The following ARHGAP40 variants were observed in gnomAD, a reference collection of about 807,000 sequenced individuals.
ARHGAP40 encodes rho GTPase-activating protein 40.
A neutral mutation model predicts 73.5 loss-of-function variants in ARHGAP40; 43 were observed. The observed-to-expected ratio is 0.58, with a 90% CI of 0.46 to 0.75. The LOEUF (loss-of-function observed/expected upper bound fraction) is 0.75. ARHGAP40 is among the 30% of genes least tolerant of loss of function. The pLI is 0.00. For missense variants in ARHGAP40, 734 were observed against 861.8 expected, an observed-to-expected ratio of 0.85 and a Z score of 1.86; for synonymous variants, 300 against 352.8, an observed-to-expected ratio of 0.85 and a Z score of 1.68.
At position 38,641,746 on chromosome 20, in the gene ARHGAP40, C is replaced by T. The variant is rs370299705; in HGVS notation, c.1300C>T (p.Arg434Cys). The change falls in exon 10 of 15, where the codon CGC (arginine) becomes TGC (cysteine). Residue 434 changes from arginine to cysteine, a missense_variant. By Grantham distance (180) the Arg-to-Cys change is radical. Transcript: ENST00000373345. Reference sequence around the variant, plus strand: ...CGCAGACATCCCCAACCTGAAGCAGCGCCTGCAGGTTCTTCACCTGCTCAT... The same window carrying T: ...CGCAGACATCCCCAACCTGAAGCAGTGCCTGCAGGTTCTTCACCTGCTCAT... 110 of 1,294,874 alleles carry T rather than the reference C, an allele frequency of 8.5e-5. No homozygotes were observed. In the African/African-American group the frequency reaches 1.2e-3, roughly 14 times the overall value. The allele number at this position is 1,294,874 out of a possible 1,614,324, so 80.2% of individuals were successfully genotyped here.
chr20:38,646,075 G>T lies in ARHGAP40; in HGVS notation c.1598G>T (p.Arg533Leu). ...GCCTCTTTCCTGGTCGCCCAGGTGCGAAAACTGAACGACAGTAGCAGCAGG... is the reference window on the plus strand; with the variant it reads ...GCCTCTTTCCTGGTCGCCCAGGTGCTAAAACTGAACGACAGTAGCAGCAGG... Residue 533 changes from arginine (R) to leucine (L), a missense_variant, in exon 12 of 15, where the codon CGA (arginine) becomes CTA (leucine). Coordinates refer to ENST00000373345, the Ensembl canonical transcript of ARHGAP40. This position sits in a 1 kb window ranked among gnomAD's most constrained non-coding sequence, Gnocchi z 4.5. The T allele has an allele frequency of 7.7e-7, 1 of 1,304,144 alleles. No individual in the cohort carries two copies. The highest frequency in any genetic ancestry group is 1.2e-5 in the South Asian group (1 of 81,014). 80.8% of individuals were successfully genotyped at this position (1,304,144 alleles called of 1,614,324 possible).
intron 5 of ARHGAP40, among the ~76,000 whole-genome samples, chr20:38,631,034 G>A (rs923272158): frequency 3.9e-5 from 6 of 152,096 alleles, no homozygotes; most frequent in Non-Finnish European, 5.9e-5. Context: ...AAGTAGGATC[G>A]GGCACAGTGG....
chr20:38,645,529 G>A (rs1021196214), intron 11 of ARHGAP40, among the ~76,000 whole-genome samples: 1 of 152,122 alleles, frequency 6.6e-6, no homozygotes, highest in East Asian at 1.9e-4. Context: ...ATTCAGAATC[G>A]ACTCCAGTTT....
intron 1 of ARHGAP40, among the ~76,000 whole-genome samples, chr20:38,608,045 C>T (rs990432813): frequency 2.0e-5 from 3 of 151,460 alleles, no homozygotes; most frequent in African/African-American, 7.3e-5. Flanking sequence ...GGTCCTATGA[C>T]ATTTTTTATA....
At chr20:38,603,975 C>T (rs190979438) in intron 1 of ARHGAP40, among the ~76,000 whole-genome samples, 7 of 152,326 alleles carry the variant, frequency 4.6e-5, no homozygotes, top group African/African-American at 7.2e-5. Context: ...AATCCAGGAT[C>T]GTCCCCCCAA....
At chr20:38,613,920 G>T (rs916448531) in intron 1 of ARHGAP40, among the ~76,000 whole-genome samples, 2 of 152,184 alleles carry the variant, frequency 1.3e-5, no homozygotes, top group African/African-American at 4.8e-5. Flanking sequence ...TGTCCAGAAT[G>T]AGCCAGTCTT....
chr20:38,611,757 G>A (rs1161888164), intron 1 of ARHGAP40, among the ~76,000 whole-genome samples: 2 of 151,134 alleles, frequency 1.3e-5, no homozygotes, highest in African/African-American at 4.9e-5. Flanking sequence ...TGTGTTTTTA[G>A]TAGAGATAGG....
intron 1 of ARHGAP40, 22 bp from the exon 2 acceptor site, chr20:38,623,337 G>A: frequency 2.4e-6 from 3 of 1,275,494 alleles, no homozygotes; most frequent in Non-Finnish European, 3.1e-6. Flanking sequence ...TGACCTCCCT[G>A]CACCTTCCCC....
chr20:38,601,967 G>A lies in ARHGAP40; in HGVS notation c.25G>A (p.Ala9Thr), dbSNP rs977669832. 19 of 1,287,646 alleles carry A rather than the reference G, an allele frequency of 1.5e-5. 1 individual carries two copies. Among genetic ancestry groups the A allele is most frequent in the Admixed American group, 2.3e-5 (1 of 43,500 alleles). The allele number at this position is 1,287,646 out of a possible 1,614,324, so 79.8% of individuals were successfully genotyped here. The change falls in exon 1 of 15, where the codon GCC becomes ACC. Residue 9 changes from alanine (A) to threonine (T), a missense_variant. By Grantham distance (58) the Ala-to-Thr change is moderately conservative (BLOSUM62 0). Coordinates refer to ENST00000373345, the Ensembl canonical transcript of ARHGAP40. Reference sequence around the variant, plus strand: ...CATGGCCGAGCCTGCCCTCCTCCCCGCCGCCCAGATGGAGAGGCTGGCCCC... The same window carrying A: ...CATGGCCGAGCCTGCCCTCCTCCCCACCGCCCAGATGGAGAGGCTGGCCCC...
chr20:38,616,610 C>T (rs1468068738), intron 1 of ARHGAP40, among the ~76,000 whole-genome samples: 2 of 152,216 alleles, frequency 1.3e-5, no homozygotes, highest in Non-Finnish European at 2.9e-5. Flanking sequence ...TGCAGTTCTG[C>T]CATTTACTAG....
chr20:38,611,623 G>A (rs986101505), intron 1 of ARHGAP40, among the ~76,000 whole-genome samples: 1 of 151,884 alleles, frequency 6.6e-6, no homozygotes, highest in African/African-American at 2.4e-5. Flanking sequence ...TGTCGCCCAG[G>A]CTGGAGTGCA....
intron 5 of ARHGAP40, among the ~76,000 whole-genome samples, chr20:38,632,540 C>T (rs143584639): frequency 0.01 from 1,590 of 151,980 alleles, 22 homozygotes; most frequent in African/African-American, 0.032. Flanking sequence ...GGATTACAGG[C>T]GTGAGCCACC....
At chr20:38,627,872 T>C (rs903671434) in intron 3 of ARHGAP40, among the ~76,000 whole-genome samples, 2 of 152,198 alleles carry the variant, frequency 1.3e-5, no homozygotes, top group East Asian at 1.9e-4. Context: ...ATAATTGTTA[T>C]TGATGCAGGG....
intron 10 of ARHGAP40, among the ~76,000 whole-genome samples, chr20:38,642,573 C>G (rs1568611747): frequency 6.6e-6 from 1 of 151,990 alleles, no homozygotes; most frequent in Non-Finnish European, 1.5e-5. Flanking sequence ...TCCTCTTTTC[C>G]TATCCTCTCT....
At chr20:38,645,966 C>T in intron 11 of ARHGAP40, 81 bp from the exon 12 acceptor site, 1 of 1,175,910 alleles carries the variant, frequency 8.5e-7, no homozygotes, top group Non-Finnish European at 1.1e-6. Context: ...AGGGAAGAGG[C>T]CACGATGACC....
chr20:38,603,092 G>T (rs781608595), intron 1 of ARHGAP40, among the ~76,000 whole-genome samples: 2 of 152,198 alleles, frequency 1.3e-5, no homozygotes, highest in African/African-American at 2.4e-5. Flanking sequence ...GAACACACCT[G>T]CAGCAGGAGA....
At chr20:38,630,103 TTTTTC>T (rs144457588) in intron 5 of ARHGAP40, among the ~76,000 whole-genome samples, 33,493 of 146,556 alleles carry the variant, frequency 0.23, 4,277 homozygotes, top group Non-Finnish European at 0.3. Context: ...TCTTTCTTTG[TTTTTC>T]TTTTCTTTCT....
chr20:38,639,452 G>A (rs1166739350), intron 9 of ARHGAP40, 66 bp downstream of exon 9: 57 of 1,270,714 alleles, frequency 4.5e-5, no homozygotes, highest in Non-Finnish European at 5.8e-5. Flanking sequence ...TTGGTGGAGA[G>A]GGGAAGCCAT....
chr20:38,642,524 G>A (rs1357171376), intron 10 of ARHGAP40, among the ~76,000 whole-genome samples: 2 of 152,118 alleles, frequency 1.3e-5, no homozygotes, highest in Non-Finnish European at 2.9e-5. Context: ...GAGGAATCAT[G>A]GGGTAGAAGA....
Sources: gnomAD v4.1 joint callset for allele counts (sites outside exome capture counted in the v4.1 genomes callset) on GRCh38, gnomAD v4.1.1 for gene constraint, Gnocchi (gnomAD v3.1) non-coding constraint, MANE v1.5 for transcripts, NCBI Gene and HGNC (gene_info 2026-07-23, HGNC 2026-07-21) for gene names.